The following RAB31 variants were observed in gnomAD, a reference collection of about 807,000 sequenced individuals.
The protein encoded by RAB31 is RAB31, member RAS oncogene family.
Under a neutral mutation model 25.6 loss-of-function variants are expected in RAB31, and 21 were observed. The observed-to-expected ratio is 0.82, with a 90% CI of 0.58 to 1.18. The LOEUF (loss-of-function observed/expected upper bound fraction) is 1.18, where lower values mean the gene tolerates loss of function less well. Ranked by LOEUF, RAB31 falls within the 50% of genes most tolerant of loss-of-function variation. The pLI is 0.00. For missense variants in RAB31, 196 were observed against 250.1 expected (o/e 0.78, Z 1.46); for synonymous variants, 87 against 84.0 (o/e 1.04, Z -0.20).
intron 5 of RAB31, among the ~76,000 whole-genome samples, chr18:9,822,968 C>T (rs2143092558): frequency 6.6e-6 from 1 of 152,286 alleles, no homozygotes; most frequent in Non-Finnish European, 1.5e-5. Context: ...CATGAATATT[C>T]ATAGACACGT....
chr18:9,854,738 T>A (rs1362098086), intron 6 of RAB31, among the ~76,000 whole-genome samples: 1 of 152,190 alleles, frequency 6.6e-6, no homozygotes, highest in African/African-American at 2.4e-5. Flanking sequence ...CCCCCAGTTC[T>A]GCATTATTAG....
At chr18:9,726,070 A>G (rs112976844) in intron 1 of RAB31, 26 of 152,308 alleles carry the variant, frequency 1.7e-4, no homozygotes, top group Admixed American at 4.6e-4. Flanking sequence ...TTTTTGCTCA[A>G]TGTCATAAAG....
intron 1 of RAB31, among the ~76,000 whole-genome samples, chr18:9,755,271 G>C (rs544651002): frequency 6.6e-6 from 1 of 152,290 alleles, no homozygotes; most frequent in South Asian, 2.1e-4. Flanking sequence ...GTTTTGTCTT[G>C]ATGTCTGTGA....
intron 3 of RAB31, among the ~76,000 whole-genome samples, chr18:9,812,930 C>T (rs189837461): frequency 2.0e-5 from 3 of 151,706 alleles, no homozygotes; most frequent in Non-Finnish European, 2.9e-5. Context: ...CTCCTGACCT[C>T]GGGTGATCCT....
rs757483355 is a variant in RAB31, at chr18:9,766,071, C to T, written c.40-9207C>T. 1.3e-5 allele frequency among the ~76,000 whole-genome samples: 2 copies of T among 152,044 alleles called. No individual in the cohort carries two copies. The highest frequency in any genetic ancestry group is 2.4e-5 in the African/African-American group (1 of 41,384). ...TATTTCTGTGGGGTTTCTTTGAAATCGAAAAGGGAAGGTGCAGTGCTTCCT... is the reference window on the plus strand; with the variant it reads ...TATTTCTGTGGGGTTTCTTTGAAATTGAAAAGGGAAGGTGCAGTGCTTCCT... On this transcript the variant is annotated intron_variant, in intron 1 of 6. Transcript: ENST00000578921. The surrounding 1 kb of genome is among the most constrained non-coding windows in gnomAD (Gnocchi z 4.3).
At chr18:9,804,325 T>G (rs2068529033) in intron 3 of RAB31, among the ~76,000 whole-genome samples, 1 of 152,178 alleles carries the variant, frequency 6.6e-6, no homozygotes, top group Admixed American at 6.5e-5. Flanking sequence ...GCAATGACAT[T>G]TTGCTGATGT....
intron 3 of RAB31, among the ~76,000 whole-genome samples, chr18:9,799,153 G>A (rs973545378): frequency 6.6e-6 from 1 of 152,192 alleles, no homozygotes; most frequent in African/African-American, 2.4e-5. Context: ...CTGGCCTCAA[G>A]CAATCCATTT....
intron 3 of RAB31, among the ~76,000 whole-genome samples, chr18:9,809,757 T>G (rs562257437): frequency 6.6e-6 from 1 of 152,244 alleles, no homozygotes; most frequent in Non-Finnish European, 1.5e-5. Context: ...TTGATAATTT[T>G]CAAAGGAATT....
At chr18:9,837,680 A>G (rs564374960) in intron 5 of RAB31, among the ~76,000 whole-genome samples, 1 of 152,388 alleles carries the variant, frequency 6.6e-6, no homozygotes, top group South Asian at 2.1e-4. Context: ...TCATGGAACA[A>G]GAAACACTCA....
At chr18:9,826,953 CAGCCTTGACCTAT>C (rs1364857038) in intron 5 of RAB31, among the ~76,000 whole-genome samples, 1 of 152,178 alleles carries the variant, frequency 6.6e-6, no homozygotes, top group Non-Finnish European at 1.5e-5. Flanking sequence ...CAAGCATGGG[CAGCCTTGACCTAT>C]AGCTGCCATA....
intron 1 of RAB31, among the ~76,000 whole-genome samples, chr18:9,731,638 C>T (rs1033418412): frequency 4.5e-5 from 6 of 133,892 alleles, no homozygotes; most frequent in Admixed American, 1.7e-4. Context: ...AGCTCTATCA[C>T]CCTGGCTGGA....
intron 1 of RAB31, among the ~76,000 whole-genome samples, chr18:9,741,374 C>G (rs2068177983): frequency 1.2e-5 from 1 of 82,074 alleles, no homozygotes; most frequent in Non-Finnish European, 2.3e-5. Flanking sequence ...AAAACTCCGT[C>G]TCAAAAAAAA....
chr18:9,832,202 A>G (rs2068682052), intron 5 of RAB31, among the ~76,000 whole-genome samples: 2 of 152,218 alleles, frequency 1.3e-5, no homozygotes, highest in Admixed American at 6.5e-5. Flanking sequence ...GCCAGGGCCA[A>G]GATGCAGCCA....
At chr18:9,792,346 G>A (rs1167554375) in intron 3 of RAB31, 111 bp downstream of exon 3, 14 of 1,465,136 alleles carry the variant, frequency 9.6e-6, no homozygotes, top group Middle Eastern at 2.2e-4. Flanking sequence ...CAGAAACCTA[G>A]CTTGAAATGA....
chr18:9,739,452 A>G (rs2068166940), intron 1 of RAB31, among the ~76,000 whole-genome samples: 1 of 152,204 alleles, frequency 6.6e-6, no homozygotes, highest in Non-Finnish European at 1.5e-5. Flanking sequence ...AGTCTTGGCA[A>G]CAGAGGGAGA....
In RAB31 at chr18:9,859,645, T is replaced by G. The variant is rs1416518295; in HGVS notation, c.*320T>G. ...GGATGTGTACAAAAGTCTTACTGCC[T>G]TATTATGTGTATGGGATTCTAAAGT... On this transcript the variant is annotated 3_prime_UTR_variant, in exon 7 of 7. Transcript: ENST00000578921. The G allele has an allele frequency of 4.8e-6, 1 of 207,362 alleles. No homozygotes were observed. Among genetic ancestry groups the G allele is most frequent in the African/African-American group, 2.3e-5 (1 of 43,186 alleles). The allele number at this position is 207,362 out of a possible 1,614,324, so 12.8% of individuals were successfully genotyped here.
rs147234624 is a variant in RAB31 at position 9,726,624 on chromosome 18, C to T, written c.39+18180C>T. 9.2e-5 allele frequency among the ~76,000 whole-genome samples: 14 copies of T among 152,240 alleles called. No individual in the cohort carries two copies. In the East Asian group the frequency reaches 2.7e-3, roughly 29 times the overall value. On this transcript the variant is annotated intron_variant, in intron 1 of 6. Coordinates refer to ENST00000578921, the MANE Select transcript of RAB31 (RefSeq NM_006868.4). ...ATTGTTTCCACAAGAGGAGCTCTGG[C>T]TGAGCTGTTCTCTTTATATACTTTG...
At chr18:9,760,110 T>G (rs1376823734) in intron 1 of RAB31, among the ~76,000 whole-genome samples, 1 of 152,176 alleles carries the variant, frequency 6.6e-6, no homozygotes, top group Non-Finnish European at 1.5e-5. Flanking sequence ...ATCTTCCACA[T>G]TTTCTCTGGT....
rs565597722 is a variant in RAB31 at position 9,721,118 on chromosome 18, A to G, written c.39+12674A>G. ...CAAAATGGGGTCTAGGAAAGTTATGAGCCTGTCTATCCGTCTTAGGGTTCT... is the reference window on the plus strand; with the variant it reads ...CAAAATGGGGTCTAGGAAAGTTATGGGCCTGTCTATCCGTCTTAGGGTTCT... On this transcript the variant is annotated intron_variant, in intron 1 of 6. Transcript: ENST00000578921. Among the ~76,000 whole-genome samples, 38 of 152,064 alleles carry G rather than the reference A, an allele frequency of 2.5e-4. No homozygotes were observed. In the South Asian group the frequency reaches 7.7e-3, roughly 31 times the overall value.
Sources: allele counts gnomAD v4.1 joint callset (sites outside exome capture counted in the v4.1 genomes callset), GRCh38; gene constraint gnomAD v4.1.1; non-coding constraint Gnocchi (gnomAD v3.1); transcripts MANE v1.5; gene names NCBI Gene and HGNC (gene_info 2026-07-23, HGNC 2026-07-21).